Variants in SRL observed in about 807,000 individuals in gnomAD.
SRL encodes the protein sarcalumenin.
In SRL, 23 loss-of-function variants were observed where a neutral mutation model predicts 39.5. The ratio of observed to expected loss-of-function variants is 0.58; its 90% CI spans 0.42 to 0.82. The LOEUF (loss-of-function observed/expected upper bound fraction) is 0.82, where lower values mean the gene tolerates loss of function less well. SRL is among the 40% of genes least tolerant of loss of function. SRL has a pLI of 0.00. For synonymous variants in SRL, 272 were observed against 237.4 expected, an observed-to-expected ratio of 1.15 and a Z score of -1.34; for missense variants, 592 against 607.8, an observed-to-expected ratio of 0.97 and a Z score of 0.27.
At chr16:4,205,501 G>C (rs943874844) in intron 1 of SRL, among the ~76,000 whole-genome samples, 18 of 152,318 alleles carry the variant, frequency 1.2e-4, no homozygotes, top group African/African-American at 4.3e-4. Context: ...GCTAAGTGCG[G>C]CTCAGGAGTG....
chr16:4,241,752 C>T (rs2052775487), intron 1 of SRL, among the ~76,000 whole-genome samples: 1 of 152,208 alleles, frequency 6.6e-6, no homozygotes, highest in Non-Finnish European at 1.5e-5. Context: ...GACCCTGGCT[C>T]ACAGCTCAGC....
chr16:4,232,432 T>C (rs1191901402), intron 1 of SRL, among the ~76,000 whole-genome samples: 1 of 152,140 alleles, frequency 6.6e-6, no homozygotes, highest in African/African-American at 2.4e-5. Context: ...AGGCCCTAAA[T>C]GCTGTGTAAG....
Position 4,192,445 on chromosome 16 carries a change from T to G in SRL, c.1130A>C (p.Lys377Thr). The G allele has an allele frequency of 6.2e-7, 1 of 1,614,190 alleles. No individual in the cohort carries two copies. Among genetic ancestry groups the G allele is most frequent in the Non-Finnish European group, 8.5e-7 (1 of 1,180,034 alleles). The change falls in exon 6 of 6, where the codon AAA (lysine) becomes ACA (threonine). Residue 377 changes from lysine to threonine, a missense_variant. Lys to Thr is a moderately conservative substitution (Grantham distance 78). Coordinates refer to ENST00000399609, the MANE Select transcript of SRL (RefSeq NM_001098814.2). This position sits in a 1 kb window ranked among gnomAD's most constrained non-coding sequence, Gnocchi z 4.0. ...CAGGATGGTCTTGAAGATGTAGAAT[T>G]TATCGGGATCTTCCACAATGTCCTT... ...VFKDIVEDPD[K>T]FYIFKTILAK...
chr16:4,192,382 C>T lies in SRL; in HGVS notation c.1193G>A (p.Arg398His), dbSNP rs751312543. The change falls in exon 6 of 6, where the codon CGC becomes CAC. Residue 398 changes from arginine (R) to histidine (H), a missense_variant. Arg to His is a conservative substitution (Grantham distance 29). Transcript: ENST00000399609. This position sits in a 1 kb window ranked among gnomAD's most constrained non-coding sequence, Gnocchi z 4.0. Reference sequence around the variant, plus strand: ...GCCGAAGAAGTCCTTATAGGCCTCGCGGTTGGGAAGGTCAAATTTGCTGAC... The same window carrying T: ...GCCGAAGAAGTCCTTATAGGCCTCGTGGTTGGGAAGGTCAAATTTGCTGAC... ...TNVSKFDLPN[R>H]EAYKDFFGIN... The T allele has an allele frequency of 1.1e-5, 18 of 1,614,014 alleles. No individual in the cohort carries two copies. Among genetic ancestry groups the T allele is most frequent in the East Asian group, 2.2e-5 (1 of 44,896 alleles).
intron 3 of SRL, among the ~76,000 whole-genome samples, chr16:4,198,379 C>T (rs1424644463): frequency 1.3e-5 from 2 of 152,200 alleles, no homozygotes; most frequent in Admixed American, 1.3e-4. Flanking sequence ...CTCTCCTCTC[C>T]TCCAGCCTGG....
At chr16:4,225,511 G>A (rs889942876) in intron 1 of SRL, among the ~76,000 whole-genome samples, 4 of 152,160 alleles carry the variant, frequency 2.6e-5, no homozygotes, top group Admixed American at 6.5e-5. Context: ...CTGAGCCCGG[G>A]AGTTTGAGGC....
chr16:4,227,526 T>C (rs559380301), intron 1 of SRL, among the ~76,000 whole-genome samples: 8 of 144,860 alleles, frequency 5.5e-5, no homozygotes, highest in Non-Finnish European at 1.1e-4. Flanking sequence ...GATGAGTAGA[T>C]GGATGATGGG....
intron 1 of SRL, among the ~76,000 whole-genome samples, chr16:4,227,046 G>A (rs1034520311): frequency 2.4e-5 from 3 of 122,826 alleles, no homozygotes; most frequent in Admixed American, 8.6e-5. Flanking sequence ...ATGGATGGAT[G>A]GATGAATGGA....
At chr16:4,233,666 C>T (rs2052682845) in intron 1 of SRL, among the ~76,000 whole-genome samples, 1 of 152,128 alleles carries the variant, frequency 6.6e-6, no homozygotes, top group Non-Finnish European at 1.5e-5. Flanking sequence ...CACAGTGCAG[C>T]TGGCCAGGAC....
intron 5 of SRL, 37 bp from the exon 6 acceptor site, chr16:4,193,001 G>T (rs367583996): frequency 6.4e-6 from 10 of 1,567,448 alleles, no homozygotes; most frequent in Middle Eastern, 1.7e-4. Context: ...AACTGAGTAG[G>T]CCTCCCTCAA....
intron 1 of SRL, chr16:4,206,987 A>G (rs1202821685): frequency 2.2e-6 from 1 of 449,546 alleles, no homozygotes; most frequent in Non-Finnish European, 4.4e-6. Context: ...GTGGCGCTCC[A>G]CCTTCCTGGG....
At chr16:4,219,517 G>A (rs1191727740) in intron 1 of SRL, among the ~76,000 whole-genome samples, 1 of 152,152 alleles carries the variant, frequency 6.6e-6, no homozygotes, top group Non-Finnish European at 1.5e-5. Context: ...GCAGTAGCGC[G>A]ATATCGGCTC....
chr16:4,209,839 C>G (rs2141041416), intron 1 of SRL, among the ~76,000 whole-genome samples: 1 of 152,280 alleles, frequency 6.6e-6, no homozygotes, highest in Non-Finnish European at 1.5e-5. Flanking sequence ...AGATCTTTGC[C>G]CTGCCCTAGA....
intron 1 of SRL, among the ~76,000 whole-genome samples, chr16:4,221,848 G>C (rs1304933775): frequency 1.3e-5 from 2 of 152,126 alleles, no homozygotes; most frequent in Admixed American, 6.6e-5. Flanking sequence ...CTCTTGGCTT[G>C]TGGCTGCGTC....
intron 4 of SRL, 136 bp downstream of exon 4, chr16:4,197,663 G>A: frequency 1.4e-6 from 1 of 705,904 alleles, no homozygotes; most frequent in Non-Finnish European, 2.5e-6. Context: ...ACGGCCTCAA[G>A]TGATCCACTG....
At chr16:4,211,635 T>A (rs2052394207) in intron 1 of SRL, among the ~76,000 whole-genome samples, 1 of 149,978 alleles carries the variant, frequency 6.7e-6, no homozygotes, top group Non-Finnish European at 1.5e-5. Context: ...GTGATGATGA[T>A]GATGATGGTG....
chr16:4,194,924 T>C (rs540272296), intron 5 of SRL, among the ~76,000 whole-genome samples: 1 of 152,140 alleles, frequency 6.6e-6, no homozygotes, highest in South Asian at 2.1e-4. Flanking sequence ...AGACAGAGTC[T>C]TGCTGTGTCA....
intron 4 of SRL, among the ~76,000 whole-genome samples, chr16:4,197,106 T>C (rs972940714): frequency 5.1e-5 from 7 of 136,752 alleles, no homozygotes; most frequent in African/African-American, 1.9e-4. Context: ...TCTCACTCTG[T>C]CGCCCAGGCT....
At chr16:4,223,161 G>C (rs564524325) in intron 1 of SRL, among the ~76,000 whole-genome samples, 1 of 151,048 alleles carries the variant, frequency 6.6e-6, no homozygotes, top group East Asian at 1.9e-4. Flanking sequence ...GAACCTAGGA[G>C]GTGGAGTTTG....
Sources: allele counts gnomAD v4.1 joint callset (sites outside exome capture counted in the v4.1 genomes callset), GRCh38; gene constraint gnomAD v4.1.1; non-coding constraint Gnocchi (gnomAD v3.1); transcripts MANE v1.5; gene names NCBI Gene and HGNC (gene_info 2026-07-23, HGNC 2026-07-21).